The following SPATA13 variants were observed in gnomAD, a reference collection of about 807,000 sequenced individuals.
SPATA13 encodes spermatogenesis associated 13, also known as spermatogenesis-associated protein 13.
Under a neutral mutation model 104.0 loss-of-function variants are expected in SPATA13, and 50 were observed. The observed-to-expected ratio is 0.48, with a 90% CI of 0.38 to 0.61. The LOEUF (loss-of-function observed/expected upper bound fraction) is 0.61, where lower values mean the gene tolerates loss of function less well. Ranked by LOEUF, SPATA13 falls within the 20% of genes least tolerant of loss-of-function variation. SPATA13 has a pLI of 0.00. For synonymous variants in SPATA13, 606 were observed against 667.5 expected, an observed-to-expected ratio of 0.91 and a Z score of 1.42; for missense variants, 1,524 against 1,690.6, an observed-to-expected ratio of 0.90 and a Z score of 1.73.
intron 1 of SPATA13, among the ~76,000 whole-genome samples, chr13:24,185,546 T>C (rs1186244793): frequency 6.6e-6 from 1 of 152,158 alleles, no homozygotes; most frequent in Non-Finnish European, 1.5e-5. Flanking sequence ...TTAATAGCCT[T>C]CTGTAATTTT....
intron 3 of SPATA13, chr13:24,123,474 A>G: frequency 6.3e-7 from 1 of 1,579,014 alleles, no homozygotes; most frequent in Non-Finnish European, 8.7e-7. Context: ...CTTCAGAAGT[A>G]TTTCAGCGAA....
Position 24,000,631 on chromosome 13 carries a change from A to T in SPATA13, c.-147+16698A>T, listed in dbSNP as rs142868820. Among the ~76,000 whole-genome samples, 444 of 152,310 alleles carry T rather than the reference A, an allele frequency of 2.9e-3. 5 individuals carry two copies. The highest frequency in any genetic ancestry group is 1.0e-2 in the African/African-American group (414 of 41,556). On this transcript the variant is annotated intron_variant, in intron 2 of 14. Coordinates refer to the SPATA13 transcript ENST00000424834. ...GACGGCCCAAGAAGGATTCTCAGGA[A>T]AGGGCAACAGGACATGCAGAAGCCC...
chr13:24,266,326 C>G (rs533842912), intron 4 of SPATA13, among the ~76,000 whole-genome samples: 1 of 152,114 alleles, frequency 6.6e-6, no homozygotes, highest in South Asian at 2.1e-4. Context: ...GCTCTGTCAC[C>G]CAGGCTGGAG....
intron 3 of SPATA13, among the ~76,000 whole-genome samples, chr13:24,098,925 C>CA (rs61641076): frequency 0.31 from 24,582 of 79,006 alleles, 3,089 homozygotes; most frequent in African/African-American, 0.46. Flanking sequence ...GACTCCATCT[C>CA]AAAAAAAAAA....
At chr13:24,070,498 A>G (rs1353148221) in intron 3 of SPATA13, among the ~76,000 whole-genome samples, 1 of 152,200 alleles carries the variant, frequency 6.6e-6, no homozygotes, top group Non-Finnish European at 1.5e-5. Context: ...CTCTGAGCCA[A>G]TAGAACTTTA....
At chr13:24,290,547 C>T in intron 8 of SPATA13, 105 bp from the exon 9 acceptor site, 2 of 836,336 alleles carry the variant, frequency 2.4e-6, no homozygotes, top group Non-Finnish European at 4.0e-6. Context: ...AGTCCATCTT[C>T]CTCCTTTCTA....
chr13:24,087,894 A>T (rs775613197), intron 3 of SPATA13, among the ~76,000 whole-genome samples: 4 of 152,174 alleles, frequency 2.6e-5, no homozygotes, highest in Non-Finnish European at 5.9e-5. Flanking sequence ...TCCTGGTCCC[A>T]CCGGTAGTCT....
intron 3 of SPATA13, among the ~76,000 whole-genome samples, chr13:24,113,868 CAAAAAAAAAAA>C (rs958434459): frequency 1.8e-5 from 1 of 56,192 alleles, no homozygotes; most frequent in South Asian, 8.8e-4. Flanking sequence ...GACTCGATCT[CAAAAAAAAAAA>C]AAAAAAAAAA....
At chr13:23,984,501 G>T (rs772937751) in intron 2 of SPATA13, among the ~76,000 whole-genome samples, 3 of 152,122 alleles carry the variant, frequency 2.0e-5, no homozygotes, top group African/African-American at 4.8e-5. Flanking sequence ...TCATGGCCCC[G>T]CGCAGCACCT....
intron 12 of SPATA13, 70 bp downstream of exon 12, chr13:24,300,545 A>G (rs1489634199): frequency 7.0e-7 from 1 of 1,430,038 alleles, no homozygotes; most frequent in African/African-American, 1.4e-5. Context: ...AGCATACCCC[A>G]AGTTGTCAGC....
chr13:24,019,185 T>G (rs1876856006), intron 3 of SPATA13, among the ~76,000 whole-genome samples: 2 of 148,748 alleles, frequency 1.3e-5, no homozygotes, highest in Admixed American at 6.7e-5. Flanking sequence ...GCCTCCCGGG[T>G]TCACGCCATT....
chr13:24,022,306 G>C (rs1258321473), intron 3 of SPATA13, among the ~76,000 whole-genome samples: 1 of 151,972 alleles, frequency 6.6e-6, no homozygotes, highest in Non-Finnish European at 1.5e-5. Context: ...CAAAGTGCTG[G>C]GATTATAGGC....
intron 12 of SPATA13, among the ~76,000 whole-genome samples, chr13:24,301,216 A>G (rs1193221667): frequency 6.6e-6 from 1 of 152,202 alleles, no homozygotes; most frequent in East Asian, 1.9e-4. Context: ...TTTCTACTTT[A>G]AAAGGCATTT....
intron 3 of SPATA13, among the ~76,000 whole-genome samples, chr13:24,038,004 C>T (rs903324477): frequency 1.2e-4 from 18 of 151,928 alleles, no homozygotes; most frequent in South Asian, 2.1e-4. Context: ...CTCTACCTCC[C>T]GGGTTCACGC....
At chr13:24,089,653 T>C (rs1228868608) in intron 3 of SPATA13, among the ~76,000 whole-genome samples, 2 of 152,242 alleles carry the variant, frequency 1.3e-5, no homozygotes, top group African/African-American at 4.8e-5. Context: ...ATCAGTGCAG[T>C]CCATGCGATA....
At chr13:24,076,177 A>C (rs1312717316) in intron 3 of SPATA13, among the ~76,000 whole-genome samples, 1 of 152,206 alleles carries the variant, frequency 6.6e-6, no homozygotes, top group Admixed American at 6.5e-5. Flanking sequence ...ATTCTTGAGG[A>C]AAACAACAGA....
At chr13:24,209,549 T>C (rs1870898381) in intron 1 of SPATA13, among the ~76,000 whole-genome samples, 1 of 152,188 alleles carries the variant, frequency 6.6e-6, no homozygotes, top group South Asian at 2.1e-4. Flanking sequence ...CTCATTTCAC[T>C]CAGCATAATA....
intron 3 of SPATA13, among the ~76,000 whole-genome samples, chr13:24,094,336 G>A (rs1880003568): frequency 6.6e-6 from 1 of 152,182 alleles, no homozygotes; most frequent in Non-Finnish European, 1.5e-5. Flanking sequence ...GGTACATTTA[G>A]TGATTCTGAA....
intron 4 of SPATA13, among the ~76,000 whole-genome samples, chr13:24,273,700 A>C (rs1874776356): frequency 6.6e-6 from 1 of 152,236 alleles, no homozygotes; most frequent in Non-Finnish European, 1.5e-5. Flanking sequence ...AATGCGATAC[A>C]TATTTTAAAA....
Sources: gnomAD v4.1 joint callset for allele counts (sites outside exome capture counted in the v4.1 genomes callset) on GRCh38, gnomAD v4.1.1 for gene constraint, MANE v1.5 for transcripts, NCBI Gene and HGNC (gene_info 2026-07-23, HGNC 2026-07-21) for gene names.